The following CTIF variants were observed in gnomAD, a reference collection of about 807,000 sequenced individuals.
CTIF encodes CBP80/20-dependent translation initiation factor.
CTIF carries 21 observed loss-of-function variants against 66.0 expected under a neutral mutation model. The ratio of observed to expected loss-of-function variants is 0.32; its 90% confidence interval spans 0.23 to 0.46. The LOEUF (loss-of-function observed/expected upper bound fraction) is 0.46. CTIF is among the 20% of genes least tolerant of loss of function. CTIF has a pLI of 1.00. For missense variants in CTIF, 739 were observed against 812.7 expected, an observed-to-expected ratio of 0.91 and a Z score of 1.10; for synonymous variants, 345 against 326.4, an observed-to-expected ratio of 1.06 and a Z score of -0.62.
intron 7 of CTIF, among the ~76,000 whole-genome samples, chr18:48,721,758 T>C (rs55726788): frequency 0.27 from 40,097 of 150,836 alleles, 6,076 homozygotes; most frequent in African/African-American, 0.41. Flanking sequence ...CATCCCCCCC[T>C]CTCTGTCCTG....
chr18:48,857,719 G>T (rs370288261), intron 11 of CTIF, 78 bp downstream of exon 11: 32 of 1,332,736 alleles, frequency 2.4e-5, no homozygotes, highest in Admixed American at 1.8e-4. Flanking sequence ...GGGGCACGAG[G>T]GTTGTTGGAG....
chr18:48,667,200 T>C (rs2091451952), intron 5 of CTIF, among the ~76,000 whole-genome samples: 1 of 152,042 alleles, frequency 6.6e-6, no homozygotes, highest in Non-Finnish European at 1.5e-5. Flanking sequence ...ATGGAGACTG[T>C]GTAGGGGAAG....
intron 10 of CTIF, among the ~76,000 whole-genome samples, chr18:48,856,353 C>G (rs1421960890): frequency 1.3e-5 from 2 of 152,164 alleles, no homozygotes; most frequent in African/African-American, 4.8e-5. Context: ...AGTCTTGCAG[C>G]TACTCAAAAA....
At chr18:48,709,444 G>A (rs1224375728) in intron 6 of CTIF, among the ~76,000 whole-genome samples, 1 of 152,262 alleles carries the variant, frequency 6.6e-6, no homozygotes, top group East Asian at 1.9e-4. Flanking sequence ...AGGCCAGGAG[G>A]TAGGTTAGAG....
At chr18:48,587,436 A>G (rs1018276194) in intron 1 of CTIF, among the ~76,000 whole-genome samples, 5 of 151,770 alleles carry the variant, frequency 3.3e-5, no homozygotes, top group African/African-American at 1.2e-4. Flanking sequence ...AATTTTTAAT[A>G]CAATTAAACC....
At chr18:48,759,889 A>G (rs1568195152) in intron 8 of CTIF, among the ~76,000 whole-genome samples, 1 of 152,190 alleles carries the variant, frequency 6.6e-6, no homozygotes, top group Non-Finnish European at 1.5e-5. Flanking sequence ...TCCTGGACCA[A>G]GAAGACATGG....
chr18:48,795,913 G>T (rs1213370888), intron 9 of CTIF, among the ~76,000 whole-genome samples: 1 of 152,164 alleles, frequency 6.6e-6, no homozygotes, highest in African/African-American at 2.4e-5. Flanking sequence ...TCTCAGCCAG[G>T]TACCATCTTT....
At position 48,603,849 on chromosome 18, in the gene CTIF, ATTT is replaced by A. The variant is rs34207687; in HGVS notation, c.-28-15672_-28-15670del. Among the ~76,000 whole-genome samples the A allele has an allele frequency of 5.4e-4, 75 of 138,132 alleles. 1 individual carries two copies. The highest frequency in any genetic ancestry group is 1.6e-3 in the African/African-American group (60 of 37,378). The allele number at this position is 138,132 out of a possible 152,430, so 90.6% of individuals were successfully genotyped here. On this transcript the variant is annotated intron_variant, in intron 1 of 11. Transcript: ENST00000256413. The stretch of plus-strand genomic sequence containing the variant: ...TCAGTGGGAGCCTAGACTCAGTGAA[ATTT>A]TTTTTTTTTTTTTTTTGAGATGGAG...
chr18:48,705,080 T>C (rs1293051575), intron 6 of CTIF, among the ~76,000 whole-genome samples: 1 of 152,148 alleles, frequency 6.6e-6, no homozygotes, highest in Non-Finnish European at 1.5e-5. Flanking sequence ...AACTGGTAAC[T>C]CCACTGTGGT....
At position 48,796,672 on chromosome 18, in the gene CTIF, C is replaced by T. The variant is rs142137235; in HGVS notation, c.1372-20549C>T. ...ATCACACCTGCCCCCACACTCAACCCCACAGCCACCCAAGGGCAGAAGGAC... is the reference window on the plus strand; with the variant it reads ...ATCACACCTGCCCCCACACTCAACCTCACAGCCACCCAAGGGCAGAAGGAC... On this transcript the variant is annotated intron_variant, in intron 9 of 11. Transcript: ENST00000256413. 4.8e-3 allele frequency among the ~76,000 whole-genome samples: 725 copies of T among 152,296 alleles called. 4 individuals are homozygous for T. Among genetic ancestry groups the T allele is most frequent in the Middle Eastern group, 0.02 (6 of 294 alleles).
At chr18:48,653,939 C>T (rs938143930) in intron 3 of CTIF, among the ~76,000 whole-genome samples, 1 of 152,156 alleles carries the variant, frequency 6.6e-6, no homozygotes, top group Non-Finnish European at 1.5e-5. Context: ...AAAGCTGAAA[C>T]TGGATCCCTT....
At chr18:48,824,839 G>A (rs551269788) in intron 10 of CTIF, among the ~76,000 whole-genome samples, 9 of 152,074 alleles carry the variant, frequency 5.9e-5, no homozygotes, top group East Asian at 1.9e-4. Context: ...ACGGGGTTTC[G>A]CCATGTTGGC....
intron 6 of CTIF, among the ~76,000 whole-genome samples, chr18:48,674,517 C>T (rs1402992186): frequency 6.6e-6 from 1 of 152,250 alleles, no homozygotes; most frequent in African/African-American, 2.4e-5. Context: ...GTGATGCCTC[C>T]ACTGGGGGTC....
At chr18:48,676,259 T>A (rs2091627754) in intron 6 of CTIF, among the ~76,000 whole-genome samples, 1 of 152,200 alleles carries the variant, frequency 6.6e-6, no homozygotes, top group South Asian at 2.1e-4. Flanking sequence ...TGCTTTTGTG[T>A]CATATACAAT....
intron 6 of CTIF, among the ~76,000 whole-genome samples, chr18:48,700,541 G>C (rs2092069867): frequency 6.6e-6 from 1 of 152,200 alleles, no homozygotes; most frequent in Admixed American, 6.5e-5. Context: ...GTTTAGGCAG[G>C]GGCTCCCTCC....
At chr18:48,849,770 G>A (rs898991457) in intron 10 of CTIF, among the ~76,000 whole-genome samples, 6 of 151,832 alleles carry the variant, frequency 4.0e-5, no homozygotes, top group Admixed American at 3.9e-4. Flanking sequence ...ATTTTTAATA[G>A]AGACGGGGTT....
intron 6 of CTIF, among the ~76,000 whole-genome samples, chr18:48,674,216 A>T (rs1393426341): frequency 6.6e-6 from 1 of 152,384 alleles, no homozygotes; most frequent in Middle Eastern, 3.4e-3. Flanking sequence ...GAAATGAGAC[A>T]TGCACAGATT....
chr18:48,818,951 C>T (rs1206116358), intron 10 of CTIF, among the ~76,000 whole-genome samples: 3 of 152,060 alleles, frequency 2.0e-5, no homozygotes, highest in Non-Finnish European at 4.4e-5. Context: ...GGTCAAGGGG[C>T]ATCTTTATGG....
At chr18:48,694,515 G>C (rs2091978006) in intron 6 of CTIF, among the ~76,000 whole-genome samples, 1 of 152,212 alleles carries the variant, frequency 6.6e-6, no homozygotes, top group South Asian at 2.1e-4. Context: ...TCAGATCACT[G>C]TCTGCTACAG....
Sources: gnomAD v4.1 joint callset for allele counts (sites outside exome capture counted in the v4.1 genomes callset) on GRCh38, gnomAD v4.1.1 for gene constraint, MANE v1.5 for transcripts, NCBI Gene and HGNC (gene_info 2026-07-23, HGNC 2026-07-21) for gene names.